GTF2A2: variants seen among roughly 807,000 people sequenced by gnomAD.
GTF2A2 encodes the protein general transcription factor IIA subunit 2, also known as transcription initiation factor IIA subunit 2.
Under a neutral mutation model 14.3 loss-of-function variants are expected in GTF2A2, and 9 were observed. That is an observed-to-expected ratio of 0.63 (90% CI 0.38 to 1.10). The LOEUF is 1.10. GTF2A2 is among the 50% of genes least tolerant of loss of function. The probability of loss-of-function intolerance (pLI) is 0.01; values close to 1 mark genes in which losing one functional copy is unlikely to be tolerated. For missense variants in GTF2A2, 90 were observed against 124.6 expected (o/e 0.72, Z 1.32); for synonymous variants, 56 against 46.0 (o/e 1.22, Z -0.88).
chr15:59,642,811 C>T (rs866031713), intron 3 of GTF2A2, among the ~76,000 whole-genome samples: 5 of 152,058 alleles, frequency 3.3e-5, no homozygotes, highest in Admixed American at 6.6e-5. Flanking sequence ...TCTGTTGCCA[C>T]GCTGGAGTGC....
chr15:59,646,024 G>C (rs549320931), intron 3 of GTF2A2, among the ~76,000 whole-genome samples: 1 of 101,330 alleles, frequency 9.9e-6, no homozygotes, highest in East Asian at 2.8e-4. Flanking sequence ...ACAGAGTAAG[G>C]CTCCGCCTTA....
rs759897543 is a variant in GTF2A2 at position 59,652,224 on chromosome 15, G to A, written c.54C>T (p.Ser18=). Residue 18 remains serine, a synonymous_variant, in exon 2 of 5, where the codon AGC becomes AGT. Coordinates refer to ENST00000396060, the MANE Select transcript of GTF2A2 (RefSeq NM_004492.3). The part of the protein sequence containing the change: ...NTTLGNSLQE[S]LDELIQSQQI... ...CTCCCACCTGTATGAGCTCATCTAG[G>A]CTCTCCTGAAGACTGTTTCCCAAAG... 3.8e-6 allele frequency: 6 copies of A among 1,590,294 alleles called. No homozygotes were observed. Among genetic ancestry groups the A allele is most frequent in the Middle Eastern group, 1.7e-4 (1 of 6,022 alleles).
chr15:59,657,222 C>CCGCCGCCT (rs1372954551), intron 1 of GTF2A2, 184 bp downstream of exon 1: 1 of 152,452 alleles, frequency 6.6e-6, no homozygotes, highest in Non-Finnish European at 1.5e-5. Context: ...GCGACCATCA[C>CCGCCGCCT]CGCCGCCTCG....
Position 59,639,173 on chromosome 15 carries a change from G to GAAAGT in GTF2A2, c.305-21_305-17dup, listed in dbSNP as rs145493984. The GAAAGT allele has an allele frequency of 8.5e-6, 12 of 1,403,810 alleles. No individual in the cohort carries two copies. The highest frequency in any genetic ancestry group is 4.7e-5 in the South Asian group (4 of 84,628). The allele number at this position is 1,403,810 out of a possible 1,614,324, so 87.0% of individuals were successfully genotyped here. A position where few individuals can be genotyped will look rare whatever the true frequency, so the allele number is the denominator to read the frequency against. On this transcript the variant is annotated splice_polypyrimidine_tract_variant and intron_variant, in intron 4 of 4. Coordinates refer to ENST00000396060, the MANE Select transcript of GTF2A2 (RefSeq NM_004492.3). ...GAGCCAGTATCTAGGAAACAAAAGA[G>GAAAGT]AAAGTAAAGTAAAGTAAATTCAAGG...
At chr15:59,642,035 GC>G (rs748840894) in intron 4 of GTF2A2, 100 bp downstream of exon 4, 1 of 960,318 alleles carries the variant, frequency 1.0e-6, no homozygotes, top group Non-Finnish European at 1.5e-6. Context: ...TGATCATAGG[GC>G]CATTTTACCC....
intron 4 of GTF2A2, 125 bp downstream of exon 4, chr15:59,642,011 G>A: frequency 2.7e-6 from 2 of 728,138 alleles, no homozygotes; most frequent in Non-Finnish European, 2.2e-6. Context: ...AAAAGCCTGG[G>A]CTTATCTGGG....
chr15:59,645,023 T>G (rs1219815642), intron 3 of GTF2A2, among the ~76,000 whole-genome samples: 1 of 152,056 alleles, frequency 6.6e-6, no homozygotes, highest in African/African-American at 2.4e-5. Flanking sequence ...TTTACTACAG[T>G]AATAGTATAG....
intron 1 of GTF2A2, among the ~76,000 whole-genome samples, chr15:59,654,872 G>C (rs1891896961): frequency 6.6e-6 from 1 of 152,120 alleles, no homozygotes; most frequent in African/African-American, 2.4e-5. Flanking sequence ...TATATACTTA[G>C]TGATTGAGTA....
chr15:59,652,716 A>T (rs1891832075), intron 1 of GTF2A2, among the ~76,000 whole-genome samples: 1 of 152,060 alleles, frequency 6.6e-6, no homozygotes, highest in Non-Finnish European at 1.5e-5. Context: ...TGTTCTCTCT[A>T]AATTCAGTAT....
intron 3 of GTF2A2, among the ~76,000 whole-genome samples, chr15:59,649,285 A>T (rs890669229): frequency 6.6e-6 from 1 of 152,230 alleles, no homozygotes; most frequent in Admixed American, 6.5e-5. Flanking sequence ...AGTTCTGATC[A>T]AGGCTGAGAG....
intron 3 of GTF2A2, among the ~76,000 whole-genome samples, chr15:59,649,703 G>A (rs1161486554): frequency 6.6e-6 from 1 of 152,072 alleles, no homozygotes; most frequent in Non-Finnish European, 1.5e-5. Flanking sequence ...TAAAATACAT[G>A]GAGATTTTAT....
intron 4 of GTF2A2, among the ~76,000 whole-genome samples, chr15:59,641,862 G>A (rs754856887): frequency 6.6e-6 from 1 of 152,160 alleles, no homozygotes; most frequent in African/African-American, 2.4e-5. Context: ...CTTAAAATTT[G>A]TAATGGAAAT....
chr15:59,645,307 G>C (rs546351851), intron 3 of GTF2A2, among the ~76,000 whole-genome samples: 17 of 152,228 alleles, frequency 1.1e-4, no homozygotes, highest in African/African-American at 4.1e-4. Flanking sequence ...CAAAGCCAGA[G>C]GGTTGGATGA....
intron 3 of GTF2A2, among the ~76,000 whole-genome samples, chr15:59,646,613 T>C (rs1891616555): frequency 6.6e-6 from 1 of 152,194 alleles, no homozygotes; most frequent in South Asian, 2.1e-4. Flanking sequence ...ATCTTACATA[T>C]CATATGCTGA....
chr15:59,656,939 C>T (rs1027498771), intron 1 of GTF2A2: 1 of 152,192 alleles, frequency 6.6e-6, no homozygotes, highest in Non-Finnish European at 1.5e-5. Context: ...AGTAACTCGT[C>T]CTAGCATTTT....
intron 1 of GTF2A2, among the ~76,000 whole-genome samples, chr15:59,653,289 T>G (rs1244649574): frequency 6.6e-6 from 1 of 152,074 alleles, no homozygotes. Flanking sequence ...ACACGTCAGG[T>G]GTAAGATCTT....
rs551102270 is a variant in GTF2A2 at position 59,646,651 on chromosome 15, T to A, written c.177+4018A>T. ...TTCCATTAGTTGCAGTATAAATGTA[T>A]ATGCTTCATTTATTTTACCACAAAA... On this transcript the variant is annotated intron_variant, in intron 3 of 4. Coordinates refer to ENST00000396060, the MANE Select transcript of GTF2A2 (RefSeq NM_004492.3). Among the ~76,000 whole-genome samples the A allele has an allele frequency of 1.4e-3, 212 of 152,328 alleles. 1 individual carries two copies. Among genetic ancestry groups the A allele is most frequent in the African/African-American group, 4.7e-3 (196 of 41,576 alleles).
intron 3 of GTF2A2, among the ~76,000 whole-genome samples, chr15:59,646,037 A>AAT (rs1160382200): frequency 6.0e-5 from 9 of 151,072 alleles, no homozygotes; most frequent in African/African-American, 2.0e-4. Flanking sequence ...CCGCCTTAAA[A>AAT]AAAAAAAAAA....
At chr15:59,655,515 G>C (rs1323160999) in intron 1 of GTF2A2, among the ~76,000 whole-genome samples, 1 of 152,114 alleles carries the variant, frequency 6.6e-6, no homozygotes, top group Admixed American at 6.5e-5. Flanking sequence ...TGCCCTTTTC[G>C]GATTGTCCTA....
Sources: gnomAD v4.1 joint callset for allele counts (sites outside exome capture counted in the v4.1 genomes callset) on GRCh38, gnomAD v4.1.1 for gene constraint, MANE v1.5 for transcripts, NCBI Gene and HGNC (gene_info 2026-07-23, HGNC 2026-07-21) for gene names.